Variants in GSDMA observed in about 807,000 individuals in gnomAD.
GSDMA encodes the protein gasdermin A.
In GSDMA, 55 loss-of-function variants were observed where a neutral mutation model predicts 54.3. The observed-to-expected ratio is 1.01, with a 90% CI of 0.82 to 1.27. GSDMA has a LOEUF of 1.27. Ranked by LOEUF, GSDMA falls within the 50% of genes most tolerant of loss-of-function variation. The pLI is 0.00. For synonymous variants in GSDMA, 211 were observed against 224.7 expected (o/e 0.94, Z 0.54); for missense variants, 542 against 542.6 (o/e 1.00, Z 0.01).
chr17:39,965,395 T>C, intron 1 of GSDMA: 1 of 420,232 alleles, frequency 2.4e-6, no homozygotes, highest in Non-Finnish European at 4.4e-6. Context: ...AAAATGAGCG[T>C]GGAGTGAGAA....
At position 39,976,977 on chromosome 17, in the gene GSDMA, G is replaced by A. The variant is rs762592597; in HGVS notation, c.1257G>A (p.Met419Ile). The A allele has an allele frequency of 1.7e-5, 28 of 1,613,840 alleles. No homozygotes were observed. The highest frequency in any genetic ancestry group is 2.3e-5 in the Non-Finnish European group (27 of 1,179,888). The change falls in exon 12 of 12, where the codon ATG becomes ATA. Residue 419 changes from methionine to isoleucine, a missense_variant. Physicochemically the swap from Met to Ile is conservative, Grantham distance 10 (BLOSUM62 1). Coordinates refer to ENST00000301659, the MANE Select transcript of GSDMA (RefSeq NM_178171.5). Reference sequence around the variant, plus strand: ...TGCAGAGATCGGGCCCCCAATATATGTGGGACCCAGACACCCTCCCTCGCC... The same window carrying A: ...TGCAGAGATCGGGCCCCCAATATATATGGGACCCAGACACCCTCCCTCGCC... ...LEVQRSGPQY[M>I]WDPDTLPRLC... is the part of the protein sequence containing the mutation.
intron 7 of GSDMA, among the ~76,000 whole-genome samples, chr17:39,973,564 G>A (rs1165593102): frequency 4.8e-5 from 7 of 144,392 alleles, no homozygotes; most frequent in Non-Finnish European, 6.1e-5. Flanking sequence ...GCCTGGCCTA[G>A]AAAAAAAAAA....
At chr17:39,969,471 G>A (rs765727616) in intron 3 of GSDMA, among the ~76,000 whole-genome samples, 3 of 152,074 alleles carry the variant, frequency 2.0e-5, no homozygotes, top group Non-Finnish European at 2.9e-5. Context: ...CAAAGAAACT[G>A]GAAAATGAGG....
intron 4 of GSDMA, among the ~76,000 whole-genome samples, 152 bp downstream of exon 4, chr17:39,970,799 G>A (rs1303766638): frequency 6.6e-6 from 1 of 151,576 alleles, no homozygotes; most frequent in African/African-American, 2.4e-5. Context: ...TCCTTCCCCC[G>A]GCTCTTAAAG....
chr17:39,964,393 A>C (rs1979541647), intron 1 of GSDMA, among the ~76,000 whole-genome samples: 1 of 151,868 alleles, frequency 6.6e-6, no homozygotes. Context: ...ACATGGTGAA[A>C]CCCTGTCTCC....
Position 39,965,967 on chromosome 17 carries a change from A to G in GSDMA, c.214+66A>G. On this transcript the variant is annotated intron_variant, in intron 2 of 11. Transcript: ENST00000301659. ...GACAGGGGCTGGGCACCTGGCCTGC[A>G]AGGAGGACCTCAAAGCTCCCTCTGG... is the stretch of plus-strand genomic sequence containing the variant. The G allele has an allele frequency of 5.6e-6, 8 of 1,426,296 alleles. No homozygotes were observed. The Admixed American group carries it at 1.4e-4, about 25-fold the overall frequency. The allele number at this position is 1,426,296 out of a possible 1,614,324, so 88.4% of individuals were successfully genotyped here.
chr17:39,972,763 AGCTTGGG>A, intron 7 of GSDMA, 150 bp downstream of exon 7: 1 of 798,116 alleles, frequency 1.3e-6, no homozygotes, highest in Admixed American at 2.2e-5. Flanking sequence ...AAATTCCAAT[AGCTTGGG>A]AAAAAGCAGT....
chr17:39,967,646 G>A (rs1274328626), intron 3 of GSDMA, among the ~76,000 whole-genome samples: 1 of 152,154 alleles, frequency 6.6e-6, no homozygotes, highest in East Asian at 1.9e-4. Context: ...ACAGGGGTTT[G>A]AAGCAGTCAG....
In GSDMA at chr17:39,977,185, T is replaced by C; in HGVS notation, c.*127T>C. On this transcript the variant is annotated 3_prime_UTR_variant, in exon 12 of 12. Transcript: ENST00000301659. ...ATCTGAAATCTCAGCTGGTCACCCA[T>C]GATAACCAACTTCCACCTGCCCAAC... 9.3e-6 allele frequency: 11 copies of C among 1,182,822 alleles called. No individual in the cohort carries two copies. Among genetic ancestry groups the C allele is most frequent in the Non-Finnish European group, 1.3e-5 (11 of 833,888 alleles). The allele number at this position is 1,182,822 out of a possible 1,614,324, so 73.3% of individuals were successfully genotyped here.
At chr17:39,968,889 A>G (rs1243205058) in intron 3 of GSDMA, among the ~76,000 whole-genome samples, 2 of 152,190 alleles carry the variant, frequency 1.3e-5, no homozygotes, top group African/African-American at 2.4e-5. Flanking sequence ...AAACAGGAAG[A>G]CACAGGTTAG....
chr17:39,976,857 G>A lies in GSDMA; in HGVS notation c.1137G>A (p.Glu379=), dbSNP rs775213325. The A allele has an allele frequency of 5.6e-6, 9 of 1,614,000 alleles. No homozygotes were observed. Among genetic ancestry groups the A allele is most frequent in the Non-Finnish European group, 7.6e-6 (9 of 1,179,886 alleles). The change falls in exon 12 of 12, where the codon GAG becomes GAA. Residue 379 remains glutamate, a synonymous_variant. Transcript: ENST00000301659. ...TMEQNFLLDK[E]GVFPLQPELL... ...AACAGAACTTCCTGCTGGATAAAGA[G>A]GGTGTTTTCCCCCTGCAACCTGAGC...
chr17:39,967,088 G>A (rs1282262576), intron 3 of GSDMA, among the ~76,000 whole-genome samples: 3 of 152,192 alleles, frequency 2.0e-5, no homozygotes, highest in African/African-American at 7.2e-5. Flanking sequence ...GGAAAGGCTG[G>A]GGTAGTCATC....
chr17:39,966,401 G>A lies in GSDMA; in HGVS notation c.356G>A (p.Ser119Asn). The A allele has an allele frequency of 1.9e-6, 3 of 1,612,818 alleles. No homozygotes were observed. Among genetic ancestry groups the A allele is most frequent in the Non-Finnish European group, 2.5e-6 (3 of 1,179,574 alleles). The change falls in exon 3 of 12, where the codon AGT becomes AAT. Residue 119 changes from serine to asparagine, a missense_variant. Transcript: ENST00000301659. ...AGCACTCTGGAGGTCCAGACACTCA[G>A]TGTGGCTCCCAAGGCCCTGGAGACC... ...QNSTLEVQTLSVAPKALETVQ... is the reference protein window; with the variant it reads ...QNSTLEVQTLNVAPKALETVQ...
Position 39,971,531 on chromosome 17 carries a change from T to A in GSDMA, c.566T>A (p.Ile189Lys). ...CTCATTGTCTAATTCTAGGGATCCA[T>A]AAATCACAAGGAGGCTGTAACCATC... ...FFAPLGLQGS[I>K]NHKEAVTIPK... is the part of the protein sequence containing the mutation. The change falls in exon 5 of 12, where the codon ATA becomes AAA. Residue 189 changes from isoleucine to lysine, a missense_variant. Coordinates refer to ENST00000301659, the MANE Select transcript of GSDMA (RefSeq NM_178171.5). 6.2e-7 allele frequency: 1 copy of A among 1,612,562 alleles called. No individual in the cohort carries two copies. The highest frequency in any genetic ancestry group is 8.5e-7 in the Non-Finnish European group (1 of 1,178,610).
intron 7 of GSDMA, among the ~76,000 whole-genome samples, chr17:39,972,887 T>C (rs1980018672): frequency 6.6e-6 from 1 of 152,106 alleles, no homozygotes; most frequent in Non-Finnish European, 1.5e-5. Context: ...TCCCAGCACT[T>C]TGGGAGGCTG....
intron 7 of GSDMA, among the ~76,000 whole-genome samples, chr17:39,973,272 CTT>C (rs113462964): frequency 1.4e-5 from 2 of 143,178 alleles, no homozygotes; most frequent in African/African-American, 5.2e-5. Flanking sequence ...GGCGCCTGGC[CTT>C]TTTTTTTTTT....
intron 11 of GSDMA, 47 bp from the exon 12 acceptor site, chr17:39,976,769 G>A: frequency 1.2e-6 from 2 of 1,607,276 alleles, no homozygotes; most frequent in Non-Finnish European, 8.5e-7. Flanking sequence ...TAGGAGAGGA[G>A]AGAGGTTTCC....
intron 3 of GSDMA, among the ~76,000 whole-genome samples, chr17:39,967,813 C>T (rs1979736374): frequency 6.6e-6 from 1 of 151,978 alleles, no homozygotes; most frequent in Non-Finnish European, 1.5e-5. Flanking sequence ...GCTGGGTTTA[C>T]AGGTGCCCGC....
chr17:39,966,124 G>A, intron 2 of GSDMA, 136 bp from the exon 3 acceptor site: 1 of 941,074 alleles, frequency 1.1e-6, no homozygotes, highest in South Asian at 1.5e-5. Context: ...ATGGGTTCTT[G>A]CTTTGTTGCC....
Sources: allele counts gnomAD v4.1 joint callset (sites outside exome capture counted in the v4.1 genomes callset), GRCh38; gene constraint gnomAD v4.1.1; transcripts MANE v1.5; gene names NCBI Gene and HGNC (gene_info 2026-07-23, HGNC 2026-07-21).